Variants in CFAP57 observed in about 807,000 individuals in gnomAD.
CFAP57 encodes cilia- and flagella-associated protein 57.
A neutral mutation model predicts 146.8 loss-of-function variants in CFAP57; 116 were observed. That is an observed-to-expected ratio of 0.79 (90% confidence interval 0.68 to 0.92). The LOEUF is 0.92. Ranked by LOEUF, CFAP57 falls within the 40% of genes least tolerant of loss-of-function variation. The pLI, the probability that CFAP57 is intolerant of heterozygous loss-of-function variation, is 0.00. For missense variants in CFAP57, 1,377 were observed against 1,527.2 expected, an observed-to-expected ratio of 0.90 and a Z score of 1.64; for synonymous variants, 518 against 552.8, an observed-to-expected ratio of 0.94 and a Z score of 0.88.
Position 43,219,538 on chromosome 1 carries a change from G to C in CFAP57, c.2247+1G>C. The C allele has an allele frequency of 6.5e-7, 1 of 1,550,362 alleles. No individual in the cohort carries two copies. The highest frequency in any genetic ancestry group is 1.2e-5 in the South Asian group (1 of 84,034). ...GGAGTCCTTGAAAACAAAAAACCAG[G>C]TCTGTTTAAGAGACTGACCAACAAG... On this transcript the variant is annotated splice_donor_variant, in intron 13 of 22. Coordinates refer to ENST00000372492, the MANE Select transcript of CFAP57 (RefSeq NM_001378189.1). LOFTEE classifies it high-confidence loss of function.
At chr1:43,198,708 A>G in intron 8 of CFAP57, 62 bp downstream of exon 8, 3 of 1,585,064 alleles carry the variant, frequency 1.9e-6, no homozygotes, top group East Asian at 4.5e-5. Context: ...CTGAAATATC[A>G]GGAACTAACA....
rs1396027098 is a variant in CFAP57, at chr1:43,234,283, G to A, written c.3131G>A (p.Arg1044Gln). 20 of 1,545,108 alleles carry A rather than the reference G, an allele frequency of 1.3e-5. No homozygotes were observed. The highest frequency in any genetic ancestry group is 2.5e-5 in the East Asian group (1 of 40,760). Residue 1044 changes from arginine (R) to glutamine (Q), a missense_variant, in exon 20 of 23, where the codon CGA becomes CAA. Coordinates refer to ENST00000372492, the MANE Select transcript of CFAP57 (RefSeq NM_001378189.1). ...AGGAAACGTCTCTGATTGCAGGAGC[G>A]AGACTTGGAAGCGCTGGTCAAAAGG... Reference protein sequence around the residue: ...QEMRRERQKERDLEALVKRFK... With the variant: ...QEMRRERQKEQDLEALVKRFK...
intron 22 of CFAP57, among the ~76,000 whole-genome samples, chr1:43,252,351 C>T (rs962072560): frequency 6.6e-6 from 1 of 151,960 alleles, no homozygotes; most frequent in Non-Finnish European, 1.5e-5. Context: ...AATTTCTAAC[C>T]AAAAGTCCCT....
intron 22 of CFAP57, among the ~76,000 whole-genome samples, chr1:43,247,771 G>A (rs6679940): frequency 0.054 from 8,198 of 152,146 alleles, 409 homozygotes; most frequent in East Asian, 0.2. Flanking sequence ...CAGACCATGC[G>A]TGACATGCTT....
chr1:43,236,418 C>A (rs191356196), intron 21 of CFAP57, among the ~76,000 whole-genome samples: 1 of 151,962 alleles, frequency 6.6e-6, no homozygotes, highest in East Asian at 1.9e-4. Flanking sequence ...GTTTACCCTG[C>A]TCCACCACTC....
chr1:43,235,421 G>A (rs755094523), intron 21 of CFAP57, among the ~76,000 whole-genome samples: 3 of 152,304 alleles, frequency 2.0e-5, no homozygotes, highest in South Asian at 4.1e-4. Flanking sequence ...TATAAAGCAC[G>A]TACCTTTTTA....
intron 6 of CFAP57, among the ~76,000 whole-genome samples, chr1:43,195,473 A>T (rs755048880): frequency 3.3e-5 from 5 of 152,054 alleles, no homozygotes; most frequent in Non-Finnish European, 7.4e-5. Context: ...GTGAGCCGAG[A>T]TCACGCCACT....
Position 43,226,994 on chromosome 1 carries a change from T to C in CFAP57, c.2877T>C (p.Ile959=). ...DETIQDKEKR[I]YDLKKKNQEL... is the part of the protein sequence containing the mutation. Reference sequence around the variant, plus strand: ...CATCTCACCCCCAGGAGAAGCGAATTTATGATCTGAAAAAGAAAAATCAAG... The same window carrying C: ...CATCTCACCCCCAGGAGAAGCGAATCTATGATCTGAAAAAGAAAAATCAAG... The change falls in exon 18 of 23, where the codon ATT becomes ATC. Residue 959 remains isoleucine (I), a synonymous_variant. Coordinates refer to ENST00000372492, the MANE Select transcript of CFAP57 (RefSeq NM_001378189.1). The C allele has an allele frequency of 6.6e-7, 1 of 1,517,072 alleles. No individual in the cohort carries two copies. 94.0% of individuals were successfully genotyped at this position (1,517,072 alleles called of 1,614,324 possible). A position where few individuals can be genotyped will look rare whatever the true frequency, so the allele number is the denominator to read the frequency against.
At chr1:43,248,457 A>G (rs534610264) in intron 22 of CFAP57, among the ~76,000 whole-genome samples, 2 of 150,430 alleles carry the variant, frequency 1.3e-5, no homozygotes, top group African/African-American at 4.9e-5. Flanking sequence ...AGCTGGGACT[A>G]CAGGCACGTG....
intron 18 of CFAP57, among the ~76,000 whole-genome samples, chr1:43,229,194 T>C (rs1018494688): frequency 1.3e-5 from 2 of 148,982 alleles, no homozygotes; most frequent in African/African-American, 5.0e-5. Context: ...ATTTGACACA[T>C]TTGTCAGCTG....
At chr1:43,175,259 A>G (rs1048824907) in intron 2 of CFAP57, among the ~76,000 whole-genome samples, 2 of 151,982 alleles carry the variant, frequency 1.3e-5, no homozygotes, top group Non-Finnish European at 2.9e-5. Flanking sequence ...ATATACATAT[A>G]TACGTATAAA....
rs535843643 is a variant in CFAP57 at position 43,182,240 on chromosome 1, G to A, written c.474+390G>A. Among the ~76,000 whole-genome samples, 52 of 152,340 alleles carry A rather than the reference G, an allele frequency of 3.4e-4. No individual in the cohort carries two copies. In the South Asian group the frequency reaches 7.7e-3, roughly 22 times the overall value. ...ATTGCCGGGCAGTAGGAAGATTTCC[G>A]AAATGTGATGTAACATGGTAGGTCT... On this transcript the variant is annotated intron_variant, in intron 3 of 22. Coordinates refer to ENST00000372492, the MANE Select transcript of CFAP57 (RefSeq NM_001378189.1).
chr1:43,233,980 G>A (rs1219573678), intron 19 of CFAP57, among the ~76,000 whole-genome samples: 2 of 152,168 alleles, frequency 1.3e-5, no homozygotes, highest in Non-Finnish European at 2.9e-5. Flanking sequence ...CTGTGGTCCT[G>A]AAAGGGAATC....
chr1:43,234,396 G>T lies in CFAP57; in HGVS notation c.3244G>T (p.Val1082Leu), dbSNP rs749440223. The T allele has an allele frequency of 1.3e-6, 2 of 1,549,492 alleles. No homozygotes were observed. Among genetic ancestry groups the T allele is most frequent in the Non-Finnish European group, 1.7e-6 (2 of 1,146,478 alleles). ...EKVRGLFEKY[V>L]QRADMVEIAG... Reference sequence around the variant, plus strand: ...GGTTCGAGGTCTCTTTGAGAAGTACGTGCAGCGAGCAGACATGGTAAGCTC... The same window carrying T: ...GGTTCGAGGTCTCTTTGAGAAGTACTTGCAGCGAGCAGACATGGTAAGCTC... The change falls in exon 20 of 23, where the codon GTG (valine) becomes TTG (leucine). Residue 1082 changes from valine (V) to leucine (L), a missense_variant. Val to Leu is a conservative substitution (Grantham distance 32). Transcript: ENST00000372492.
chr1:43,180,930 A>G (rs1290948178), intron 2 of CFAP57, among the ~76,000 whole-genome samples: 1 of 152,020 alleles, frequency 6.6e-6, no homozygotes, highest in Non-Finnish European at 1.5e-5. Context: ...TTCCCGCACT[A>G]TGCTGTACCC....
At chr1:43,241,213 G>A (rs1645902419) in intron 21 of CFAP57, among the ~76,000 whole-genome samples, 2 of 152,172 alleles carry the variant, frequency 1.3e-5, no homozygotes, top group Non-Finnish European at 2.9e-5. Context: ...ATGGCACCAA[G>A]CCCTTCATGA....
At chr1:43,179,884 G>T (rs1467531454) in intron 2 of CFAP57, among the ~76,000 whole-genome samples, 2 of 151,892 alleles carry the variant, frequency 1.3e-5, no homozygotes, top group Non-Finnish European at 2.9e-5. Flanking sequence ...TGATTTCATG[G>T]CCCCCTCCTT....
In CFAP57 at chr1:43,222,820, C is replaced by T; in HGVS notation, c.2533-4C>T. 1.3e-6 allele frequency: 2 copies of T among 1,536,048 alleles called. No homozygotes were observed. Among genetic ancestry groups the T allele is most frequent in the Non-Finnish European group, 1.8e-6 (2 of 1,139,650 alleles). ...TGACCACACGCCCACTCTCTCTGAGCCAGGCACAGGAAGACGTCAGGCAGC... is the reference window on the plus strand; with the variant it reads ...TGACCACACGCCCACTCTCTCTGAGTCAGGCACAGGAAGACGTCAGGCAGC... On this transcript the variant is annotated splice_polypyrimidine_tract_variant and splice_region_variant and intron_variant, in intron 15 of 22. Transcript: ENST00000372492.
At chr1:43,241,576 C>T (rs1018771169) in intron 21 of CFAP57, among the ~76,000 whole-genome samples, 2 of 152,044 alleles carry the variant, frequency 1.3e-5, no homozygotes, top group Admixed American at 6.6e-5. Flanking sequence ...GATAATGTCC[C>T]AAGTAGAAGC....
Sources: allele counts gnomAD v4.1 joint callset (sites outside exome capture counted in the v4.1 genomes callset), GRCh38; gene constraint gnomAD v4.1.1; transcripts MANE v1.5; gene names NCBI Gene and HGNC (gene_info 2026-07-23, HGNC 2026-07-21).